The following DCUN1D3 variants were observed in gnomAD, a reference collection of about 807,000 sequenced individuals.
The protein encoded by DCUN1D3 is DCN1-like protein 3.
Under a neutral mutation model 24.8 loss-of-function variants are expected in DCUN1D3, and 6 were observed. The observed-to-expected ratio is 0.24, with a 90% CI of 0.13 to 0.48. DCUN1D3 has a LOEUF of 0.48. Ranked by LOEUF, DCUN1D3 falls within the 20% of genes least tolerant of loss-of-function variation. The pLI is 0.99. For missense variants in DCUN1D3, 258 were observed against 379.4 expected, an observed-to-expected ratio of 0.68 and a Z score of 2.66; for synonymous variants, 120 against 144.9, an observed-to-expected ratio of 0.83 and a Z score of 1.24.
chr16:20,892,634 A>C (rs2081897201), intron 1 of DCUN1D3, among the ~76,000 whole-genome samples: 1 of 152,206 alleles, frequency 6.6e-6, no homozygotes, highest in Admixed American at 6.5e-5. Context: ...TCTCCTCTTC[A>C]AATTCCAGGG....
In DCUN1D3 at chr16:20,855,759, A is replaced by G. The variant is rs1196181225; in HGVS notation, c.*4127T>C. 6.6e-6 allele frequency: 1 copy of G among 152,222 alleles called. No homozygotes were observed. The highest frequency in any genetic ancestry group is 2.4e-5 in the African/African-American group (1 of 41,438). The allele number at this position is 152,222 out of a possible 1,614,324, so 9.4% of individuals were successfully genotyped here. ...ACTCTGAGGGGGATGGATGGTTCGGAACCTTCTTTATATGATCAGAAAACA... is the reference window on the plus strand; with the variant it reads ...ACTCTGAGGGGGATGGATGGTTCGGGACCTTCTTTATATGATCAGAAAACA... On this transcript the variant is annotated 3_prime_UTR_variant, in exon 3 of 3. Transcript: ENST00000324344.
chr16:20,885,021 G>C lies in DCUN1D3; in HGVS notation c.-106+15183C>G, dbSNP rs1184556257. Among the ~76,000 whole-genome samples, 4 of 149,470 alleles carry C rather than the reference G, an allele frequency of 2.7e-5. No homozygotes were observed. The Admixed American group carries it at 2.7e-4, about 10-fold the overall frequency. On this transcript the variant is annotated intron_variant, in intron 1 of 2. Coordinates refer to ENST00000324344, the MANE Select transcript of DCUN1D3 (RefSeq NM_173475.4). ...AGACGGAGTCTGGCTCTGTCACCAG[G>C]CTGGAGTACAATGGCACAATCTTGG... is the stretch of plus-strand genomic sequence containing the variant.
chr16:20,862,688 G>T, intron 1 of DCUN1D3, 45 bp from the exon 2 acceptor site: 1 of 1,484,896 alleles, frequency 6.7e-7, no homozygotes, highest in East Asian at 2.3e-5. Flanking sequence ...GGGGGAAATG[G>T]GGTATGGACC....
At chr16:20,895,989 C>A (rs918408929) in intron 1 of DCUN1D3, among the ~76,000 whole-genome samples, 3 of 152,188 alleles carry the variant, frequency 2.0e-5, no homozygotes, top group African/African-American at 7.2e-5. Flanking sequence ...ACTTACACAA[C>A]CATTCTGTTT....
chr16:20,874,710 T>C (rs942839007), intron 1 of DCUN1D3, among the ~76,000 whole-genome samples: 2 of 152,246 alleles, frequency 1.3e-5, no homozygotes, highest in Non-Finnish European at 2.9e-5. Flanking sequence ...AAGAGCCTAT[T>C]AAGAAAGTGT....
At chr16:20,873,993 A>G (rs1596633466) in intron 1 of DCUN1D3, among the ~76,000 whole-genome samples, 1 of 152,362 alleles carries the variant, frequency 6.6e-6, no homozygotes, top group African/African-American at 2.4e-5. Flanking sequence ...CCCTGAATCC[A>G]ACTGTTCCTA....
In DCUN1D3 at chr16:20,855,986, CA is replaced by C. The variant is rs1555496154; in HGVS notation, c.*3899del. On this transcript the variant is annotated 3_prime_UTR_variant, in exon 3 of 3. Transcript: ENST00000324344. ...CCAAGATGCTCAAGTCATAGCTAAC[CA>C]AACATGAGAGACAAGAAAAACAGCA... is the stretch of plus-strand genomic sequence containing the variant. 1 of 152,182 alleles carries C rather than the reference CA, an allele frequency of 6.6e-6. No homozygotes were observed. The highest frequency in any genetic ancestry group is 1.5e-5 in the Non-Finnish European group (1 of 68,042). The allele number at this position is 152,182 out of a possible 1,614,324, so 9.4% of individuals were successfully genotyped here.
chr16:20,877,492 C>T (rs1719382406), intron 1 of DCUN1D3, among the ~76,000 whole-genome samples: 2 of 152,212 alleles, frequency 1.3e-5, no homozygotes, highest in South Asian at 4.1e-4. Context: ...TTATTCGCCA[C>T]TTTACCCTGT....
At chr16:20,887,673 G>C (rs1170779437) in intron 1 of DCUN1D3, among the ~76,000 whole-genome samples, 4 of 152,208 alleles carry the variant, frequency 2.6e-5, no homozygotes, top group African/African-American at 4.8e-5. Flanking sequence ...TCACCAACAA[G>C]TAAACTCTAA....
At chr16:20,869,435 C>T (rs959843198) in intron 1 of DCUN1D3, among the ~76,000 whole-genome samples, 1 of 152,218 alleles carries the variant, frequency 6.6e-6, no homozygotes, top group African/African-American at 2.4e-5. Flanking sequence ...TCATCATCAC[C>T]TTCAAGCCTC....
chr16:20,875,210 G>GCACACACACACA (rs3222584), intron 1 of DCUN1D3, among the ~76,000 whole-genome samples: 25 of 140,342 alleles, frequency 1.8e-4, no homozygotes, highest in Admixed American at 9.3e-4. Context: ...GTGCGCTCAT[G>GCACACACACACA]CACACACACA....
intron 1 of DCUN1D3, among the ~76,000 whole-genome samples, chr16:20,875,668 G>A (rs1041524342): frequency 2.0e-5 from 3 of 152,136 alleles, no homozygotes; most frequent in South Asian, 2.1e-4. Context: ...ATGAAACTAT[G>A]AAACTACTAG....
intron 1 of DCUN1D3, among the ~76,000 whole-genome samples, chr16:20,882,411 C>T (rs575388231): frequency 1.6e-4 from 25 of 152,112 alleles, no homozygotes; most frequent in African/African-American, 6.0e-4. Context: ...TGCCACCACA[C>T]TCTGCTAATT....
chr16:20,886,346 A>G (rs4783510), intron 1 of DCUN1D3, among the ~76,000 whole-genome samples: 92,796 of 151,868 alleles, frequency 0.61, 29,384 homozygotes, highest in Non-Finnish European at 0.7. Flanking sequence ...TCAGCCATTC[A>G]TATCCCATCT....
chr16:20,882,282 C>T lies in DCUN1D3; in HGVS notation c.-106+17922G>A, dbSNP rs8058972. Among the ~76,000 whole-genome samples, 205 of 143,184 alleles carry T rather than the reference C, an allele frequency of 1.4e-3. 1 individual carries two copies. The highest frequency in any genetic ancestry group is 4.9e-3 in the African/African-American group (189 of 38,484). 93.9% of individuals were successfully genotyped at this position (143,184 alleles called of 152,430 possible). A position where few individuals can be genotyped will look rare whatever the true frequency, so the allele number is the denominator to read the frequency against. ...TTTTTTTTTTTTTGAGATAGAGTTT[C>T]GCTTTTGTCACCCAGGCTGGAGTGC... On this transcript the variant is annotated intron_variant, in intron 1 of 2. Coordinates refer to ENST00000324344, the MANE Select transcript of DCUN1D3 (RefSeq NM_173475.4).
rs562983894 is a variant in DCUN1D3 at position 20,870,689 on chromosome 16, C to G, written c.-105-8046G>C. On this transcript the variant is annotated intron_variant, in intron 1 of 2. Coordinates refer to ENST00000324344, the MANE Select transcript of DCUN1D3 (RefSeq NM_173475.4). ...TCCATTCCACTCCTCCATTCTGTTC[C>G]CATCTAGAATCTATTCAGCAGCAAG... Among the ~76,000 whole-genome samples the G allele has an allele frequency of 6.6e-5, 10 of 152,290 alleles. No homozygotes were observed. The South Asian group carries it at 2.1e-3, about 32-fold the overall frequency.
At chr16:20,883,633 A>G (rs2081855441) in intron 1 of DCUN1D3, among the ~76,000 whole-genome samples, 1 of 152,218 alleles carries the variant, frequency 6.6e-6, no homozygotes, top group Non-Finnish European at 1.5e-5. Context: ...GAGTGAATCA[A>G]TTGAAGTACT....
intron 1 of DCUN1D3, among the ~76,000 whole-genome samples, chr16:20,886,761 CTT>C (rs924423413): frequency 1.3e-5 from 2 of 152,234 alleles, no homozygotes; most frequent in Admixed American, 6.5e-5. Flanking sequence ...CTGATACACT[CTT>C]TGTTCTTTGC....
chr16:20,898,082 C>T (rs12325560), intron 1 of DCUN1D3, among the ~76,000 whole-genome samples: 65,181 of 152,010 alleles, frequency 0.43, 16,554 homozygotes, highest in Non-Finnish European at 0.58. Flanking sequence ...TTTCCACTAC[C>T]TCCCACCTAC....
Sources: allele counts gnomAD v4.1 joint callset (sites outside exome capture counted in the v4.1 genomes callset), GRCh38; gene constraint gnomAD v4.1.1; transcripts MANE v1.5; gene names NCBI Gene and HGNC (gene_info 2026-07-23, HGNC 2026-07-21).